Variants in TASP1 observed in about 807,000 individuals in gnomAD.
TASP1 encodes the protein threonine aspartase 1.
Under a neutral mutation model 56.6 loss-of-function variants are expected in TASP1, and 16 were observed. The observed-to-expected ratio is 0.28, with a 90% CI of 0.19 to 0.43. The LOEUF is 0.43. Ranked by LOEUF, TASP1 falls within the 20% of genes least tolerant of loss-of-function variation. TASP1 has a pLI of 1.00. For missense variants in TASP1, 393 were observed against 511.6 expected (o/e 0.77, Z 2.24); for synonymous variants, 179 against 184.2 (o/e 0.97, Z 0.23).
the TASP1 span, among the ~76,000 whole-genome samples, chr20:13,207,364 C>T: frequency 2.6e-5 from 4 of 152,194 alleles, no homozygotes; most frequent in Admixed American, 6.5e-5. Context: ...GTAAGTCACA[C>T]GGTGTATTAA....
chr20:13,436,349 T>TA (rs376918473), intron 11 of TASP1, among the ~76,000 whole-genome samples: 20,468 of 141,754 alleles, frequency 0.14, 2,461 homozygotes, highest in African/African-American at 0.33. Flanking sequence ...AGGGTTGTTT[T>TA]AAAAAAAAAA....
At chr20:13,618,561 T>C (rs2048603666) in intron 4 of TASP1, among the ~76,000 whole-genome samples, 1 of 152,212 alleles carries the variant, frequency 6.6e-6, no homozygotes, top group African/African-American at 2.4e-5. Context: ...AGGACTTCCC[T>C]AGAGTTTACA....
chr20:13,531,819 C>G (rs1223563586), intron 9 of TASP1, among the ~76,000 whole-genome samples: 1 of 152,162 alleles, frequency 6.6e-6, no homozygotes, highest in Non-Finnish European at 1.5e-5. Context: ...CTTATACCAC[C>G]ACGCCCAGCT....
intron 10 of TASP1, among the ~76,000 whole-genome samples, chr20:13,515,394 C>G (rs1011119844): frequency 2.6e-5 from 4 of 151,864 alleles, no homozygotes; most frequent in Non-Finnish European, 5.9e-5. Context: ...CTTTGTCCAT[C>G]AAAGTGTTGT....
the TASP1 span, among the ~76,000 whole-genome samples, chr20:13,197,655 T>C: frequency 6.6e-6 from 1 of 152,334 alleles, no homozygotes; most frequent in East Asian, 1.9e-4. Flanking sequence ...GACTCTGTCC[T>C]GTACAGAAAG....
At chr20:13,553,015 A>G (rs1294455955) in intron 8 of TASP1, among the ~76,000 whole-genome samples, 3 of 152,068 alleles carry the variant, frequency 2.0e-5, no homozygotes, top group Admixed American at 6.6e-5. Flanking sequence ...GGCTCACTGT[A>G]ACCTCAAACT....
intron 10 of TASP1, among the ~76,000 whole-genome samples, chr20:13,520,045 G>C (rs1053832011): frequency 3.3e-4 from 50 of 152,070 alleles, no homozygotes; most frequent in African/African-American, 8.7e-4. Context: ...GAATAAAATA[G>C]CTAGGAATCC....
At chr20:13,567,296 G>A (rs2046566172) in intron 7 of TASP1, among the ~76,000 whole-genome samples, 1 of 151,964 alleles carries the variant, frequency 6.6e-6, no homozygotes, top group Non-Finnish European at 1.5e-5. Context: ...GGGGGAAAAG[G>A]ATCAGGAAAA....
At chr20:13,599,729 A>G (rs983091025) in intron 4 of TASP1, among the ~76,000 whole-genome samples, 21 of 151,910 alleles carry the variant, frequency 1.4e-4, no homozygotes, top group Non-Finnish European at 2.6e-4. Flanking sequence ...GGAAAAAACC[A>G]TATGATCATC....
At chr20:13,408,925 A>G (rs376518342) in intron 13 of TASP1, among the ~76,000 whole-genome samples, 81 of 151,124 alleles carry the variant, frequency 5.4e-4, no homozygotes, top group African/African-American at 1.8e-3. Flanking sequence ...TTTTCAAAGA[A>G]CTTCGTCTAG....
At chr20:13,389,010 C>T (rs2041185904), downstream of TASP1, among the ~76,000 whole-genome samples, 1 of 152,016 alleles carries the variant, frequency 6.6e-6, no homozygotes, top group South Asian at 2.1e-4. Context: ...TTAGTATCTT[C>T]TTGATAACCA....
the TASP1 span, among the ~76,000 whole-genome samples, chr20:13,175,217 G>C: frequency 6.6e-6 from 1 of 152,210 alleles, no homozygotes; most frequent in South Asian, 2.1e-4. Context: ...TTTAGTTTCT[G>C]GAAACATGAT....
At chr20:13,252,257 G>A in the TASP1 span, among the ~76,000 whole-genome samples, 1 of 152,210 alleles carries the variant, frequency 6.6e-6, no homozygotes, top group South Asian at 2.1e-4. Flanking sequence ...TTTCCTTGGA[G>A]TAGGGACCAT....
chr20:13,273,717 A>C, the TASP1 span, among the ~76,000 whole-genome samples: 834 of 152,326 alleles, frequency 5.5e-3, 6 homozygotes, highest in African/African-American at 0.019. Flanking sequence ...AATGGATTAA[A>C]AATTAATGCG....
At chr20:13,224,991 G>C in the TASP1 span, among the ~76,000 whole-genome samples, 1 of 150,572 alleles carries the variant, frequency 6.6e-6, no homozygotes, top group Non-Finnish European at 1.5e-5. Context: ...GACTACAGGC[G>C]CCTGCCACCA....
chr20:13,504,430 A>C, intron 10 of TASP1, among the ~76,000 whole-genome samples: 1 of 152,176 alleles, frequency 6.6e-6, no homozygotes, highest in Admixed American at 6.5e-5. Context: ...AAAGGAGTTC[A>C]CCATCATTAA....
chr20:13,393,767 CA>C, intron 13 of TASP1: 1 of 628,516 alleles, frequency 1.6e-6, no homozygotes, highest in Non-Finnish European at 2.9e-6. Flanking sequence ...TCCCCTACCA[CA>C]CTGAGAATCT....
chr20:13,325,405 A>C, the TASP1 span, among the ~76,000 whole-genome samples: 1 of 152,322 alleles, frequency 6.6e-6, no homozygotes, highest in South Asian at 2.1e-4. Context: ...TCCATAAATA[A>C]AATGGGAAGA....
In TASP1 at chr20:13,398,632, C is replaced by T. The variant is rs146173115; in HGVS notation, c.1171-8180G>A. Reference sequence around the variant, plus strand: ...ACTTTCCTTTTATTTTACTCCAAAACGTAACCTCACTTTCCTTTGCTGATT... The same window carrying T: ...ACTTTCCTTTTATTTTACTCCAAAATGTAACCTCACTTTCCTTTGCTGATT... On this transcript the variant is annotated intron_variant, in intron 13 of 13. Coordinates refer to ENST00000337743, the MANE Select transcript of TASP1 (RefSeq NM_017714.3). Among the ~76,000 whole-genome samples, 38 of 152,302 alleles carry T rather than the reference C, an allele frequency of 2.5e-4. 1 individual carries two copies. In the East Asian group the frequency reaches 5.4e-3, roughly 22 times the overall value.
Sources: gnomAD v4.1 joint callset for allele counts (sites outside exome capture counted in the v4.1 genomes callset) on GRCh38, gnomAD v4.1.1 for gene constraint, MANE v1.5 for transcripts, NCBI Gene and HGNC (gene_info 2026-07-23, HGNC 2026-07-21) for gene names.